TMEM229B: variants seen among roughly 807,000 people sequenced by gnomAD.
The protein encoded by TMEM229B is chromosome 14 open reading frame 83.
In TMEM229B, 6 loss-of-function variants were observed where a neutral mutation model predicts 13.7. The observed-to-expected ratio is 0.44, with a 90% CI of 0.24 to 0.86. TMEM229B has a LOEUF of 0.86. TMEM229B is among the 40% of genes least tolerant of loss of function. TMEM229B has a pLI of 0.23. For missense variants in TMEM229B, 170 were observed against 236.0 expected (o/e 0.72, Z 1.83); for synonymous variants, 107 against 102.1 (o/e 1.05, Z -0.29).
upstream of TMEM229B, among the ~76,000 whole-genome samples, chr14:67,489,186 A>G (rs1191098960): frequency 2.0e-5 from 3 of 152,174 alleles, no homozygotes; most frequent in Non-Finnish European, 4.4e-5. Flanking sequence ...AAGGGCAGAA[A>G]TGGTCACCTC....
chr14:67,519,740 T>G (rs910747901), upstream of TMEM229B, among the ~76,000 whole-genome samples: 1 of 151,866 alleles, frequency 6.6e-6, no homozygotes, highest in Non-Finnish European at 1.5e-5. Context: ...ACTTTTTTTT[T>G]GAGACAGGTT....
At chr14:67,488,993 A>G (rs2032040301), upstream of TMEM229B, among the ~76,000 whole-genome samples, 1 of 151,956 alleles carries the variant, frequency 6.6e-6, no homozygotes, top group African/African-American at 2.4e-5. Flanking sequence ...GGCCTCACTG[A>G]CACTCCCTAT....
At chr14:67,474,248 T>C (rs1164989965) in intron 2 of TMEM229B, among the ~76,000 whole-genome samples, 3 of 132,148 alleles carry the variant, frequency 2.3e-5, no homozygotes, top group Non-Finnish European at 3.2e-5. Context: ...TGAGACTCTG[T>C]CTCCAAAAAA....
chr14:67,498,979 T>TTTTTTTTATTTATTTA (rs2032499670), intron 1 of TMEM229B, among the ~76,000 whole-genome samples: 1 of 146,510 alleles, frequency 6.8e-6, no homozygotes, highest in South Asian at 2.2e-4. Flanking sequence ...AAGGCAATGG[T>TTTTTTTTATTTATTTA]TTTATTTATT....
chr14:67,506,753 A>G (rs888388358), intron 1 of TMEM229B, among the ~76,000 whole-genome samples: 1 of 152,212 alleles, frequency 6.6e-6, no homozygotes, highest in African/African-American at 2.4e-5. Context: ...TGGGAGGCCA[A>G]GGCAGGCAGA....
At chr14:67,484,593 T>A (rs1298183177) in intron 2 of TMEM229B, among the ~76,000 whole-genome samples, 1 of 152,160 alleles carries the variant, frequency 6.6e-6, no homozygotes, top group Non-Finnish European at 1.5e-5. Context: ...CCGGATTCAA[T>A]TTTATTTTTT....
intron 2 of TMEM229B, among the ~76,000 whole-genome samples, chr14:67,484,937 CATT>C (rs1192651779): frequency 2.0e-5 from 3 of 152,098 alleles, no homozygotes; most frequent in Non-Finnish European, 4.4e-5. Context: ...CCTCTGTGCT[CATT>C]ATTATAATGG....
At chr14:67,511,523 C>T (rs998825823) in intron 1 of TMEM229B, among the ~76,000 whole-genome samples, 2 of 152,116 alleles carry the variant, frequency 1.3e-5, no homozygotes, top group African/African-American at 4.8e-5. Flanking sequence ...AAATATTAAA[C>T]TCCCTACTGG....
At chr14:67,514,267 C>T (rs2033124207) in intron 1 of TMEM229B, among the ~76,000 whole-genome samples, 1 of 152,122 alleles carries the variant, frequency 6.6e-6, no homozygotes, top group Non-Finnish European at 1.5e-5. Context: ...AAGAGACAGT[C>T]CCCGGGAAGG....
At chr14:67,523,351 G>A (rs2033318842) in intron 1 of TMEM229B, among the ~76,000 whole-genome samples, 1 of 151,670 alleles carries the variant, frequency 6.6e-6, no homozygotes, top group Non-Finnish European at 1.5e-5. Flanking sequence ...AGAAAAAAGA[G>A]GAGTCCAGTC....
intron 1 of TMEM229B, among the ~76,000 whole-genome samples, chr14:67,524,866 A>G (rs1354074770): frequency 6.6e-6 from 1 of 152,156 alleles, no homozygotes; most frequent in Non-Finnish European, 1.5e-5. Flanking sequence ...CCAGGTCCCC[A>G]TTGCCATATC....
At chr14:67,498,435 A>G (rs2032477884) in intron 1 of TMEM229B, among the ~76,000 whole-genome samples, 1 of 152,216 alleles carries the variant, frequency 6.6e-6, no homozygotes, top group South Asian at 2.1e-4. Context: ...ACAGTATTAT[A>G]ACTAACTTTC....
chr14:67,513,991 C>T lies in TMEM229B; in HGVS notation c.-192+1095G>A, dbSNP rs116955605. Among the ~76,000 whole-genome samples the T allele has an allele frequency of 7.9e-5, 12 of 152,314 alleles. No individual in the cohort carries two copies. In the East Asian group the frequency reaches 2.1e-3, roughly 27 times the overall value. ...GTTGCTTGGCCCTCCCTTGATCCCT[C>T]TTCCTGGTACAGCAGAGAGAAACCC... On this transcript the variant is annotated intron_variant, in intron 1 of 2. Coordinates refer to the TMEM229B transcript ENST00000357461.
chr14:67,500,973 G>A (rs2140192924), intron 1 of TMEM229B, among the ~76,000 whole-genome samples: 1 of 151,504 alleles, frequency 6.6e-6, no homozygotes, highest in African/African-American at 2.4e-5. Flanking sequence ...GATGAAAGTA[G>A]AAGAACAAGG....
At chr14:67,530,183 GAATA>G (rs2033424158) in intron 1 of TMEM229B, among the ~76,000 whole-genome samples, 1 of 152,292 alleles carries the variant, frequency 6.6e-6, no homozygotes, top group Non-Finnish European at 1.5e-5. Context: ...TTTGTTCAAA[GAATA>G]AATAACAAAA....
At chr14:67,503,682 C>CT (rs35355321) in intron 1 of TMEM229B, 110,196 of 151,484 alleles carry the variant, frequency 0.73, 41,912 homozygotes, top group Non-Finnish European at 0.85. Flanking sequence ...CCTCAGCTTA[C>CT]TTTTTTTAAA....
intron 2 of TMEM229B, among the ~76,000 whole-genome samples, chr14:67,482,508 G>T (rs1435700569): frequency 6.6e-6 from 1 of 152,146 alleles, no homozygotes; most frequent in Non-Finnish European, 1.5e-5. Flanking sequence ...CACTTCCCAA[G>T]CTTCACTCCC....
At chr14:67,492,217 A>AC (rs958308608), upstream of TMEM229B, among the ~76,000 whole-genome samples, 1 of 149,414 alleles carries the variant, frequency 6.7e-6, no homozygotes, top group Non-Finnish European at 1.5e-5. Flanking sequence ...TCCCATTCCC[A>AC]CCCCCGGCAA....
rs956551594 is a variant in TMEM229B at position 67,470,703 on chromosome 14, T to C, written c.*2717A>G. On this transcript the variant is annotated 3_prime_UTR_variant, in exon 3 of 3. Transcript: ENST00000554480. ...TATTGCTGTGAATAAGCATAGGCCA[T>C]TGTGACTCACTGGCATTGAAGAGGG... 2 of 152,706 alleles carry C rather than the reference T, an allele frequency of 1.3e-5. No homozygotes were observed. Among genetic ancestry groups the C allele is most frequent in the Non-Finnish European group, 2.9e-5 (2 of 68,116 alleles). 9.5% of individuals were successfully genotyped at this position (152,706 alleles called of 1,614,324 possible).
Sources: allele counts gnomAD v4.1 joint callset (sites outside exome capture counted in the v4.1 genomes callset), GRCh38; gene constraint gnomAD v4.1.1; transcripts MANE v1.5; gene names NCBI Gene and HGNC (gene_info 2026-07-23, HGNC 2026-07-21).